The following ADGRL3 variants were observed in gnomAD, a reference collection of about 807,000 sequenced individuals.
ADGRL3 encodes calcium-independent alpha-latrotoxin receptor 3.
ADGRL3 carries 62 observed loss-of-function variants against 153.5 expected under a neutral mutation model. The observed-to-expected ratio is 0.40, with a 90% CI of 0.33 to 0.50. The LOEUF (loss-of-function observed/expected upper bound fraction) is 0.50. ADGRL3 is among the 20% of genes least tolerant of loss of function. The probability of loss-of-function intolerance (pLI) is 0.47; values close to 1 mark genes in which losing one functional copy is unlikely to be tolerated. For synonymous variants in ADGRL3, 710 were observed against 672.5 expected, an observed-to-expected ratio of 1.06 and a Z score of -0.86; for missense variants, 1,641 against 1,859.4, an observed-to-expected ratio of 0.88 and a Z score of 2.16.
chr4:61,979,021 A>G (rs1291466514), intron 17 of ADGRL3, among the ~76,000 whole-genome samples: 1 of 152,176 alleles, frequency 6.6e-6, no homozygotes, highest in Non-Finnish European at 1.5e-5. Flanking sequence ...TTCACTGGGG[A>G]TCTTTATGAA....
intron 6 of ADGRL3, among the ~76,000 whole-genome samples, chr4:61,712,236 A>G (rs1043613330): frequency 6.6e-6 from 1 of 152,074 alleles, no homozygotes; most frequent in East Asian, 1.9e-4. Flanking sequence ...TCTACAATAA[A>G]TAAAAAATTA....
chr4:61,408,240 C>T (rs907469536), intron 2 of ADGRL3, among the ~76,000 whole-genome samples: 4 of 151,876 alleles, frequency 2.6e-5, no homozygotes, highest in Non-Finnish European at 4.4e-5. Context: ...TGTATGTTTT[C>T]TTTTTGTTAA....
intron 17 of ADGRL3, among the ~76,000 whole-genome samples, chr4:61,958,048 A>C (rs1581633494): frequency 6.6e-6 from 1 of 152,202 alleles, no homozygotes; most frequent in Non-Finnish European, 1.5e-5. Flanking sequence ...ATGAGTATTC[A>C]GTAAAAGTTA....
chr4:61,493,369 G>A (rs1028720453), intron 2 of ADGRL3, among the ~76,000 whole-genome samples: 1 of 152,152 alleles, frequency 6.6e-6, no homozygotes, highest in Non-Finnish European at 1.5e-5. Context: ...AAATGTCCGA[G>A]TAGAGATGGC....
intron 21 of ADGRL3, among the ~76,000 whole-genome samples, chr4:62,007,409 CGTATATATATATACACAT>C (rs2099164406): frequency 1.1e-5 from 1 of 90,864 alleles, no homozygotes; most frequent in Admixed American, 1.2e-4. Context: ...TATATATACA[CGTATATATATATACACAT>C]ATATATATAT....
At chr4:61,762,255 G>A (rs2343578) in intron 8 of ADGRL3, among the ~76,000 whole-genome samples, 74,890 of 151,944 alleles carry the variant, frequency 0.49, 19,261 homozygotes, top group East Asian at 0.71. Context: ...TAAAATTTTT[G>A]AAACATTTAT....
intron 4 of ADGRL3, among the ~76,000 whole-genome samples, chr4:61,519,747 G>T (rs1447872491): frequency 1.3e-5 from 2 of 152,214 alleles, no homozygotes; most frequent in Non-Finnish European, 2.9e-5. Flanking sequence ...ATTTGAACAA[G>T]AAAATGTCAG....
At chr4:61,991,642 C>T (rs2099104106) in intron 19 of ADGRL3, among the ~76,000 whole-genome samples, 2 of 151,836 alleles carry the variant, frequency 1.3e-5, no homozygotes, top group African/African-American at 4.8e-5. Context: ...ATCACTCCAC[C>T]AACCTTTTTT....
At chr4:61,622,026 G>A (rs906747853) in intron 5 of ADGRL3, among the ~76,000 whole-genome samples, 7 of 152,126 alleles carry the variant, frequency 4.6e-5, no homozygotes, top group Admixed American at 3.9e-4. Flanking sequence ...GTCGGTAGCT[G>A]TGTTGGTATA....
chr4:62,049,459 A>G (rs1732966138), intron 25 of ADGRL3, among the ~76,000 whole-genome samples: 2 of 152,312 alleles, frequency 1.3e-5, no homozygotes, highest in South Asian at 2.1e-4. Context: ...GTTGTTATAT[A>G]TAGGAAGACT....
At chr4:61,949,650 G>A (rs547043340) in intron 17 of ADGRL3, among the ~76,000 whole-genome samples, 88 of 151,906 alleles carry the variant, frequency 5.8e-4, no homozygotes, top group African/African-American at 2.0e-3. Flanking sequence ...AGCCGAGATC[G>A]CACCAGTGCA....
intron 9 of ADGRL3, among the ~76,000 whole-genome samples, chr4:61,817,162 C>A (rs1010921280): frequency 9.8e-5 from 14 of 142,988 alleles, no homozygotes; most frequent in East Asian, 6.2e-4. Context: ...CCCCCCCCCC[C>A]ACCAAGGCAT....
intron 8 of ADGRL3, among the ~76,000 whole-genome samples, chr4:61,779,739 G>T (rs942638618): frequency 6.6e-6 from 1 of 150,398 alleles, no homozygotes; most frequent in Non-Finnish European, 1.5e-5. Context: ...ATGTTAAACT[G>T]TTTTTTGTGT....
chr4:61,564,063 T>C (rs898269804), intron 4 of ADGRL3, among the ~76,000 whole-genome samples: 3 of 152,112 alleles, frequency 2.0e-5, no homozygotes, highest in African/African-American at 7.2e-5. Flanking sequence ...TGCTAGCTTC[T>C]AACTTTTCTT....
intron 1 of ADGRL3, among the ~76,000 whole-genome samples, chr4:61,287,155 A>T (rs2093970198): frequency 6.6e-6 from 1 of 151,930 alleles, no homozygotes; most frequent in African/African-American, 2.4e-5. Flanking sequence ...AGATAGAAAC[A>T]GTCCAAGTAC....
At chr4:61,293,651 T>C (rs1347324298) in intron 1 of ADGRL3, among the ~76,000 whole-genome samples, 1 of 152,212 alleles carries the variant, frequency 6.6e-6, no homozygotes, top group Non-Finnish European at 1.5e-5. Context: ...GACAGTGTTT[T>C]GATTAATGCT....
intron 1 of ADGRL3, among the ~76,000 whole-genome samples, chr4:61,362,954 A>G (rs961956891): frequency 2.6e-5 from 4 of 152,180 alleles, no homozygotes; most frequent in South Asian, 2.1e-4. Context: ...CCATTTACCA[A>G]TGAAAATCTC....
chr4:61,686,359 T>C (rs1270106216), intron 6 of ADGRL3, among the ~76,000 whole-genome samples: 1 of 152,154 alleles, frequency 6.6e-6, no homozygotes, highest in Non-Finnish European at 1.5e-5. Flanking sequence ...AAAACTGTTC[T>C]AAATAAATGT....
chr4:61,818,820 G>A (rs2097717974), intron 9 of ADGRL3, among the ~76,000 whole-genome samples: 1 of 152,026 alleles, frequency 6.6e-6, no homozygotes, highest in Admixed American at 6.6e-5. Flanking sequence ...GTGATTAATT[G>A]TTCAATCCAA....
Sources: gnomAD v4.1 joint callset for allele counts (sites outside exome capture counted in the v4.1 genomes callset) on GRCh38, gnomAD v4.1.1 for gene constraint, MANE v1.5 for transcripts, NCBI Gene and HGNC (gene_info 2026-07-23, HGNC 2026-07-21) for gene names.